Variants in NFIX observed in about 807,000 individuals in gnomAD.
NFIX encodes the protein nuclear factor I X.
In NFIX, 2 loss-of-function variants were observed where a neutral mutation model predicts 53.3. That is an observed-to-expected ratio of 0.04 (90% confidence interval 0.02 to 0.12). NFIX has a LOEUF of 0.12. Ranked by LOEUF, NFIX falls within the 10% of genes least tolerant of loss-of-function variation. NFIX has a pLI of 1.00. For missense variants in NFIX, 310 were observed against 674.5 expected (o/e 0.46, Z 5.99); for synonymous variants, 244 against 289.0 (o/e 0.84, Z 1.58).
At chr19:13,026,742 CTCTG>C (rs1568271032) in intron 2 of NFIX, among the ~76,000 whole-genome samples, 2 of 146,518 alleles carry the variant, frequency 1.4e-5, no homozygotes, top group East Asian at 1.9e-4. Flanking sequence ...CTCTCTCTCT[CTCTG>C]TGTGTGTGTG....
rs10419483 is a variant in NFIX, at chr19:13,097,923, T to G, written c.*3274T>G. On this transcript the variant is annotated 3_prime_UTR_variant, in exon 11 of 11. Coordinates refer to ENST00000592199, the MANE Select transcript of NFIX (RefSeq NM_001365902.3). Reference sequence around the variant, plus strand: ...CGCTCCAGGACAGGACCAGCCACGCTGACAGGTCGATTTGCCCAGGCCCGC... The same window carrying G: ...CGCTCCAGGACAGGACCAGCCACGCGGACAGGTCGATTTGCCCAGGCCCGC... 1.3e-5 allele frequency: 2 copies of G among 152,908 alleles called. No individual in the cohort carries two copies. The highest frequency in any genetic ancestry group is 1.3e-4 in the Admixed American group (2 of 15,228). 9.5% of individuals were successfully genotyped at this position (152,908 alleles called of 1,614,324 possible).
chr19:13,020,813 G>C (rs142163207), intron 1 of NFIX, among the ~76,000 whole-genome samples: 1 of 152,060 alleles, frequency 6.6e-6, no homozygotes, highest in Admixed American at 6.6e-5. Flanking sequence ...ATCTTGTCCT[G>C]TTTCCCTAAC....
chr19:13,042,731 A>T (rs573490679), intron 2 of NFIX, among the ~76,000 whole-genome samples: 5 of 81,130 alleles, frequency 6.2e-5, no homozygotes, highest in East Asian at 4.2e-4. Flanking sequence ...CCCCACCCCC[A>T]CCCCCACTGA....
intron 2 of NFIX, among the ~76,000 whole-genome samples, chr19:13,041,793 C>CAAAAAA (rs755429201): frequency 7.7e-5 from 8 of 103,292 alleles, no homozygotes; most frequent in Admixed American, 2.2e-4. Context: ...GACTCCGTCT[C>CAAAAAA]AAAAAAAAAA....
rs1231246785 is a variant in NFIX at position 13,013,243 on chromosome 19, AG to A, written c.28-11777del. On this transcript the variant is annotated intron_variant, in intron 1 of 10. Coordinates refer to ENST00000592199, the MANE Select transcript of NFIX (RefSeq NM_001365902.3). The surrounding 1 kb of genome is among the most constrained non-coding windows in gnomAD (Gnocchi z 5.9). Reference sequence around the variant, plus strand: ...GGGGAGAGGACGGAAAAGTGAAAAAAGAACGTGTGCGCCCAGCGGACCCGAC... The same window carrying A: ...GGGGAGAGGACGGAAAAGTGAAAAAAAACGTGTGCGCCCAGCGGACCCGAC... 6.6e-6 allele frequency among the ~76,000 whole-genome samples: 1 copy of A among 152,086 alleles called. No individual in the cohort carries two copies. The highest frequency in any genetic ancestry group is 1.9e-4 in the East Asian group (1 of 5,186).
Position 13,012,480 on chromosome 19 carries a change from T to G in NFIX, c.28-12541T>G. Among the ~76,000 whole-genome samples, 1 of 139,526 alleles carries G rather than the reference T, an allele frequency of 7.2e-6. No individual in the cohort carries two copies. 91.5% of individuals were successfully genotyped at this position (139,526 alleles called of 152,430 possible). The stretch of plus-strand genomic sequence containing the variant: ...CACCCCCCAAAAAGTGACCCCGCGC[T>G]GGTGGGCATGGAGGACTGTCCCAGT... On this transcript the variant is annotated intron_variant, in intron 1 of 10. Transcript: ENST00000592199. The surrounding 1 kb of genome is among the most constrained non-coding windows in gnomAD (Gnocchi z 5.0).
At chr19:13,070,068 A>G (rs2016679458) in intron 2 of NFIX, 1 of 152,280 alleles carries the variant, frequency 6.6e-6, no homozygotes, top group South Asian at 2.1e-4. Context: ...AGAGCCTGCC[A>G]GGTAAGAAAG....
Position 12,996,287 on chromosome 19 carries a change from G to C in NFIX, c.27+423G>C, listed in dbSNP as rs1001396061. ...GTTTGCGGGGTTGACAGAGTGGCAAGAGGGTGGTCCCGAGGGCGCAGAGGG... is the reference window on the plus strand; with the variant it reads ...GTTTGCGGGGTTGACAGAGTGGCAACAGGGTGGTCCCGAGGGCGCAGAGGG... On this transcript the variant is annotated intron_variant, in intron 1 of 10. Transcript: ENST00000592199. The surrounding 1 kb of genome is among the most constrained non-coding windows in gnomAD (Gnocchi z 5.2). 6.6e-6 allele frequency among the ~76,000 whole-genome samples: 1 copy of C among 152,184 alleles called. No homozygotes were observed. Among genetic ancestry groups the C allele is most frequent in the African/African-American group, 2.4e-5 (1 of 41,532 alleles).
rs113753492 is a variant in NFIX at position 13,002,083 on chromosome 19, C to T, written c.27+6219C>T. On this transcript the variant is annotated intron_variant, in intron 1 of 10. Transcript: ENST00000592199. This position sits in a 1 kb window ranked among gnomAD's most constrained non-coding sequence, Gnocchi z 6.1. ...TCCGTGGGCCTGAGCCCACTATCCC[C>T]GCTGCCCCCACAGCCAGGCAGGCCC... is the stretch of plus-strand genomic sequence containing the variant. 0.087 allele frequency among the ~76,000 whole-genome samples: 13,223 copies of T among 152,274 alleles called. 717 individuals are homozygous for T. Among genetic ancestry groups the T allele is most frequent in the Non-Finnish European group, 0.12 (8,434 of 67,994 alleles).
chr19:13,017,239 C>A (rs1351697281), intron 1 of NFIX, among the ~76,000 whole-genome samples: 2 of 152,120 alleles, frequency 1.3e-5, no homozygotes, highest in Non-Finnish European at 2.9e-5. Flanking sequence ...CCGAGCTCCT[C>A]AAAGCACCCC....
intron 8 of NFIX, among the ~76,000 whole-genome samples, chr19:13,085,769 A>C (rs2017743836): frequency 6.6e-6 from 1 of 152,142 alleles, no homozygotes; most frequent in Non-Finnish European, 1.5e-5. Context: ...CGTGGTAAAA[A>C]AACAGTGGGC....
rs1043718337 is a variant in NFIX, at chr19:13,066,072, C to T, written c.560-6975C>T. 2.0e-5 allele frequency among the ~76,000 whole-genome samples: 3 copies of T among 152,196 alleles called. No homozygotes were observed. The highest frequency in any genetic ancestry group is 2.9e-5 in the Non-Finnish European group (2 of 67,996). On this transcript the variant is annotated intron_variant, in intron 2 of 10. Transcript: ENST00000592199. This position sits in a 1 kb window ranked among gnomAD's most constrained non-coding sequence, Gnocchi z 4.2. ...AGACAGGCCTTCTTCACCTCGACAC[C>T]GTGTGGGGCCTGAGGCTTTCAGATG...
chr19:13,088,898 AAAG>A lies in NFIX; in HGVS notation c.1402+768_1402+770del, dbSNP rs2145508694. Among the ~76,000 whole-genome samples the A allele has an allele frequency of 6.6e-6, 1 of 152,126 alleles. No individual in the cohort carries two copies. Among genetic ancestry groups the A allele is most frequent in the South Asian group, 2.1e-4 (1 of 4,812 alleles). On this transcript the variant is annotated intron_variant, in intron 9 of 10. Transcript: ENST00000592199. This position sits in a 1 kb window ranked among gnomAD's most constrained non-coding sequence, Gnocchi z 5.9. The stretch of plus-strand genomic sequence containing the variant: ...CCAATGACAAATTTTGTCAAAGGGA[AAAG>A]AAGAAAAATCATTCGAGAGGTCCCA...
chr19:13,016,929 A>G (rs1207528640), intron 1 of NFIX, among the ~76,000 whole-genome samples: 1 of 151,918 alleles, frequency 6.6e-6, no homozygotes, highest in Non-Finnish European at 1.5e-5. Context: ...CCCCAAAAAT[A>G]TTTGAACCAA....
At chr19:13,065,547 G>A (rs2016348632) in intron 2 of NFIX, among the ~76,000 whole-genome samples, 1 of 152,184 alleles carries the variant, frequency 6.6e-6, no homozygotes, top group Admixed American at 6.5e-5. Flanking sequence ...TTGCTGCTGT[G>A]GCTGGGGGTC....
rs1461108806 is a variant in NFIX at position 13,098,656 on chromosome 19, C to T, written c.*4007C>T. Reference sequence around the variant, plus strand: ...GCGGAATGCAAGTAGGCAGCCAGCCCGTCTGTTCCCTCTCCGCCCCGCCCC... The same window carrying T: ...GCGGAATGCAAGTAGGCAGCCAGCCTGTCTGTTCCCTCTCCGCCCCGCCCC... On this transcript the variant is annotated 3_prime_UTR_variant, in exon 11 of 11. Coordinates refer to ENST00000592199, the MANE Select transcript of NFIX (RefSeq NM_001365902.3). 1 of 152,928 alleles carries T rather than the reference C, an allele frequency of 6.5e-6. No individual in the cohort carries two copies. The highest frequency in any genetic ancestry group is 1.9e-4 in the East Asian group (1 of 5,198). 9.5% of individuals were successfully genotyped at this position (152,928 alleles called of 1,614,324 possible).
At chr19:13,079,825 G>A (rs1450965177) in intron 7 of NFIX, among the ~76,000 whole-genome samples, 1 of 152,272 alleles carries the variant, frequency 6.6e-6, no homozygotes, top group Admixed American at 6.5e-5. Flanking sequence ...ATTGGAAACA[G>A]ACGGGAGGAG....
In NFIX at chr19:13,043,230, T is replaced by C. The variant is rs2014758070; in HGVS notation, c.559+17678T>C. Among the ~76,000 whole-genome samples, 1 of 152,172 alleles carries C rather than the reference T, an allele frequency of 6.6e-6. No individual in the cohort carries two copies. The highest frequency in any genetic ancestry group is 6.5e-5 in the Admixed American group (1 of 15,280). ...ATTCTCACACCCTCCAATCCATGTT[T>C]TTATGAATCTGAGGTGCCCCCTTCC... On this transcript the variant is annotated intron_variant, in intron 2 of 10. Transcript: ENST00000592199. This position sits in a 1 kb window ranked among gnomAD's most constrained non-coding sequence, Gnocchi z 4.0.
At position 13,078,130 on chromosome 19, in the gene NFIX, C is replaced by CCA. The variant is rs2017221655; in HGVS notation, c.956-483_956-482insCA. Among the ~76,000 whole-genome samples, 1 of 152,174 alleles carries CCA rather than the reference C, an allele frequency of 6.6e-6. No individual in the cohort carries two copies. The highest frequency in any genetic ancestry group is 2.4e-5 in the African/African-American group (1 of 41,446). On this transcript the variant is annotated intron_variant, in intron 6 of 10. Coordinates refer to ENST00000592199, the MANE Select transcript of NFIX (RefSeq NM_001365902.3). This position sits in a 1 kb window ranked among gnomAD's most constrained non-coding sequence, Gnocchi z 4.7. ...ATGGCTGTGTGCTCCCTTCCCTAAACGGGGCCCTGGCTTCTTCCCACCAGA... is the reference window on the plus strand; with the variant it reads ...ATGGCTGTGTGCTCCCTTCCCTAAACCAGGGGCCCTGGCTTCTTCCCACCAGA...
Sources: gnomAD v4.1 joint callset for allele counts (sites outside exome capture counted in the v4.1 genomes callset) on GRCh38, gnomAD v4.1.1 for gene constraint, Gnocchi (gnomAD v3.1) non-coding constraint, MANE v1.5 for transcripts, NCBI Gene and HGNC (gene_info 2026-07-23, HGNC 2026-07-21) for gene names.